ICA1: variants seen among roughly 807,000 people sequenced by gnomAD.
ICA1 encodes the protein 69 kDa islet cell autoantigen.
ICA1 carries 40 observed loss-of-function variants against 71.0 expected under a neutral mutation model. The observed-to-expected ratio is 0.56, with a 90% confidence interval of 0.44 to 0.73. ICA1 has a LOEUF of 0.73. Among genes scored for constraint, ICA1 ranks in the 30% least tolerant of loss-of-function variants. The pLI is 0.00. For missense variants in ICA1, 578 were observed against 576.5 expected, an observed-to-expected ratio of 1.00 and a Z score of -0.03; for synonymous variants, 207 against 209.5, an observed-to-expected ratio of 0.99 and a Z score of 0.10.
intron 8 of ICA1, among the ~76,000 whole-genome samples, chr7:8,146,325 G>C (rs114368686): frequency 4.1e-4 from 62 of 152,164 alleles, no homozygotes; most frequent in Non-Finnish European, 7.1e-4. Context: ...GGAGAAGAGA[G>C]TTCCGAGTCA....
chr7:8,118,183 C>G (rs1433779920), intron 13 of ICA1, among the ~76,000 whole-genome samples: 1 of 152,168 alleles, frequency 6.6e-6, no homozygotes, highest in Non-Finnish European at 1.5e-5. Flanking sequence ...TCATTTTAGG[C>G]AAATGGCACA....
rs906883260 is a variant in ICA1 at position 8,129,916 on chromosome 7, A to G, written c.1061-1774T>C. 1.2e-4 allele frequency among the ~76,000 whole-genome samples: 15 copies of G among 127,004 alleles called. No homozygotes were observed. The Admixed American group carries it at 1.4e-3, about 11-fold the overall frequency. 83.3% of individuals were successfully genotyped at this position (127,004 alleles called of 152,430 possible). A position where few individuals can be genotyped will look rare whatever the true frequency, so the allele number is the denominator to read the frequency against. The stretch of plus-strand genomic sequence containing the variant: ...CCCCTTCCTGTGTCCATGTGTTCTC[A>G]TTGTTCAATTCCCACCTACGAGATA... On this transcript the variant is annotated intron_variant, in intron 12 of 13. Coordinates refer to ENST00000402384, the MANE Select transcript of ICA1 (RefSeq NM_001136020.3).
chr7:8,201,119 T>TG (rs1438600843), intron 6 of ICA1, among the ~76,000 whole-genome samples: 1 of 152,224 alleles, frequency 6.6e-6, no homozygotes, highest in Non-Finnish European at 1.5e-5. Context: ...TCTATTTGCA[T>TG]GTCTATGTGC....
intron 12 of ICA1, among the ~76,000 whole-genome samples, chr7:8,131,360 A>C (rs1040872401): frequency 1.3e-5 from 2 of 152,154 alleles, no homozygotes; most frequent in Non-Finnish European, 2.9e-5. Context: ...TTTTTCTATC[A>C]CTTGCAATCA....
chr7:8,227,228 A>G (rs886383530), intron 4 of ICA1, among the ~76,000 whole-genome samples: 4 of 152,184 alleles, frequency 2.6e-5, no homozygotes, highest in Non-Finnish European at 5.9e-5. Context: ...TTAAAAGTGT[A>G]CTTTGATTGA....
intron 13 of ICA1, among the ~76,000 whole-genome samples, chr7:8,126,724 C>A (rs534147150): frequency 6.6e-6 from 1 of 152,116 alleles, no homozygotes; most frequent in East Asian, 1.9e-4. Context: ...CATAGAAAAA[C>A]CAAAACAGTT....
At chr7:8,121,742 A>G (rs1293146738) in intron 13 of ICA1, among the ~76,000 whole-genome samples, 2 of 152,216 alleles carry the variant, frequency 1.3e-5, no homozygotes, top group East Asian at 3.8e-4. Context: ...TTTAAAAATA[A>G]CCCAAAGAGT....
intron 6 of ICA1, among the ~76,000 whole-genome samples, chr7:8,178,763 G>A (rs1781343303): frequency 6.6e-6 from 1 of 152,016 alleles, no homozygotes; most frequent in Non-Finnish European, 1.5e-5. Context: ...AATTTGCTCT[G>A]CTCTGGAAAA....
chr7:8,157,531 C>A, intron 7 of ICA1: 1 of 302,192 alleles, frequency 3.3e-6, no homozygotes, highest in Non-Finnish European at 6.0e-6. Context: ...GTTGCAATCC[C>A]TCAGCTGATT....
chr7:8,258,110 G>A (rs764539259), intron 1 of ICA1, among the ~76,000 whole-genome samples: 6 of 152,058 alleles, frequency 3.9e-5, no homozygotes, highest in Admixed American at 2.0e-4. Flanking sequence ...GGATGCCCCC[G>A]CCCTGGGCTG....
At chr7:8,125,471 A>G (rs985300417) in intron 13 of ICA1, among the ~76,000 whole-genome samples, 1 of 152,106 alleles carries the variant, frequency 6.6e-6, no homozygotes, top group African/African-American at 2.4e-5. Flanking sequence ...CTCAGATCTC[A>G]TCTTCCCAGT....
At chr7:8,163,063 C>A (rs779779158) in intron 6 of ICA1, among the ~76,000 whole-genome samples, 92 of 152,258 alleles carry the variant, frequency 6.0e-4, no homozygotes, top group Admixed American at 1.9e-3. Context: ...TGCGCCTAGT[C>A]TAATGGCCAT....
intron 10 of ICA1, among the ~76,000 whole-genome samples, chr7:8,140,217 T>C (rs565990897): frequency 1.3e-5 from 2 of 152,332 alleles, no homozygotes; most frequent in Non-Finnish European, 2.9e-5. Context: ...ATTCGTGCCG[T>C]GGGTACACTG....
chr7:8,214,805 A>T (rs1176292396), intron 6 of ICA1, among the ~76,000 whole-genome samples: 1 of 152,196 alleles, frequency 6.6e-6, no homozygotes, highest in East Asian at 1.9e-4. Context: ...TGCTATTTAA[A>T]AGGTTTCTTG....
At chr7:8,205,079 A>C (rs1252096761) in intron 6 of ICA1, among the ~76,000 whole-genome samples, 2 of 17,840 alleles carry the variant, frequency 1.1e-4, no homozygotes, top group African/African-American at 1.5e-4. Flanking sequence ...GAAGACATGC[A>C]AAAAAAAAAA....
chr7:8,170,294 T>C (rs1345469378), intron 6 of ICA1, among the ~76,000 whole-genome samples: 1 of 152,086 alleles, frequency 6.6e-6, no homozygotes, highest in Non-Finnish European at 1.5e-5. Flanking sequence ...TACTCTTTTG[T>C]TCTTGTTTGA....
At chr7:8,143,806 G>C (rs1050966302) in intron 9 of ICA1, 69 bp downstream of exon 9, 4 of 982,612 alleles carry the variant, frequency 4.1e-6, no homozygotes, top group Admixed American at 1.9e-5. Context: ...AGCCAGGTTC[G>C]GTCAGCGAGA....
At chr7:8,237,115 C>T (rs1353385878) in intron 1 of ICA1, among the ~76,000 whole-genome samples, 1 of 152,152 alleles carries the variant, frequency 6.6e-6, no homozygotes, top group Non-Finnish European at 1.5e-5. Context: ...GTGTCAGATG[C>T]CTCTGATATG....
intron 6 of ICA1, among the ~76,000 whole-genome samples, chr7:8,169,163 T>G (rs1562806805): frequency 6.6e-6 from 1 of 152,142 alleles, no homozygotes; most frequent in African/African-American, 2.4e-5. Context: ...GCACAATCCT[T>G]TCTGAGATAA....
Sources: allele counts gnomAD v4.1 joint callset (sites outside exome capture counted in the v4.1 genomes callset), GRCh38; gene constraint gnomAD v4.1.1; transcripts MANE v1.5; gene names NCBI Gene and HGNC (gene_info 2026-07-23, HGNC 2026-07-21).